RNF10: variants seen among roughly 807,000 people sequenced by gnomAD.
The protein encoded by RNF10 is E3 ubiquitin-protein ligase RNF10.
In RNF10, 38 loss-of-function variants were observed where a neutral mutation model predicts 91.4. The ratio of observed to expected loss-of-function variants is 0.42; its 90% CI spans 0.32 to 0.54. The LOEUF is 0.54. Among genes scored for constraint, RNF10 ranks in the 20% least tolerant of loss-of-function variants. The pLI, the probability that RNF10 is intolerant of heterozygous loss-of-function variation, is 0.16. For synonymous variants in RNF10, 364 were observed against 366.3 expected, an observed-to-expected ratio of 0.99 and a Z score of 0.07; for missense variants, 945 against 1,012.0, an observed-to-expected ratio of 0.93 and a Z score of 0.90.
At chr12:120,562,719 C>T (rs557713229) in intron 7 of RNF10, among the ~76,000 whole-genome samples, 2 of 152,262 alleles carry the variant, frequency 1.3e-5, no homozygotes, top group African/African-American at 4.8e-5. Context: ...TTTACACTCC[C>T]CAGTGTCAGA....
Position 120,534,719 on chromosome 12 carries a change from GCCGCCGACCC to G in RNF10, c.-86_-77del, listed in dbSNP as rs1870469941. 7.1e-7 allele frequency: 1 copy of G among 1,405,642 alleles called. No individual in the cohort carries two copies. The highest frequency in any genetic ancestry group is 1.5e-5 in the African/African-American group (1 of 65,324). The allele number at this position is 1,405,642 out of a possible 1,614,324, so 87.1% of individuals were successfully genotyped here. On this transcript the variant is annotated 5_prime_UTR_variant, in exon 1 of 17. It introduces an in-frame stop codon into an upstream open reading frame of the 5' UTR. Coordinates refer to ENST00000325954, the MANE Select transcript of RNF10 (RefSeq NM_014868.5). Reference sequence around the variant, plus strand: ...GCCATGAAGGCCGAGAACCGCTGCCGCCGCCGACCCCCGCCGGCCCTGAACGCCATGAGCC... The same window carrying G: ...GCCATGAAGGCCGAGAACCGCTGCCGCCGCCGGCCCTGAACGCCATGAGCC...
chr12:120,563,840 C>A lies in RNF10; in HGVS notation c.1562C>A (p.Pro521His). ...GATGGACAGCATATGTTCCTGCACCCTGTGAATGTGCGCTGCCTCGTGCGG... is the reference window on the plus strand; with the variant it reads ...GATGGACAGCATATGTTCCTGCACCATGTGAATGTGCGCTGCCTCGTGCGG... The part of the protein sequence containing the change: ...AEDGQHMFLH[P>H]VNVRCLVREY... The change falls in exon 10 of 17, where the codon CCT becomes CAT. Residue 521 changes from proline to histidine, a missense_variant. Pro to His is a moderately conservative substitution (Grantham distance 77). Coordinates refer to ENST00000325954, the MANE Select transcript of RNF10 (RefSeq NM_014868.5). 1 of 1,614,122 alleles carries A rather than the reference C, an allele frequency of 6.2e-7. No individual in the cohort carries two copies. The highest frequency in any genetic ancestry group is 8.5e-7 in the Non-Finnish European group (1 of 1,180,028).
At chr12:120,562,907 A>G (rs1179430126) in intron 7 of RNF10, 38 bp from the exon 8 acceptor site, 25 of 1,612,818 alleles carry the variant, frequency 1.6e-5, no homozygotes, top group East Asian at 2.2e-5. Flanking sequence ...TGTGTCTGGA[A>G]ACTTAACCTT....
intron 6 of RNF10, among the ~76,000 whole-genome samples, chr12:120,559,247 T>C (rs1874487336): frequency 6.9e-6 from 1 of 144,856 alleles, no homozygotes; most frequent in African/African-American, 2.6e-5. Context: ...AATGGTGTGA[T>C]CTCGGCTCAC....
chr12:120,545,262 G>A (rs1872141676), intron 1 of RNF10, among the ~76,000 whole-genome samples: 1 of 151,570 alleles, frequency 6.6e-6, no homozygotes, highest in Admixed American at 6.6e-5. Flanking sequence ...CTCACTGCAA[G>A]CTCTGCCTCC....
chr12:120,574,978 G>A (rs568401107), intron 14 of RNF10: 29 of 161,566 alleles, frequency 1.8e-4, no homozygotes, highest in Admixed American at 1.2e-3. Context: ...AGTGGCTCAC[G>A]CCTATAATCC....
At chr12:120,571,365 C>T in intron 14 of RNF10, 74 bp downstream of exon 14, 1 of 1,077,308 alleles carries the variant, frequency 9.3e-7, no homozygotes, top group Non-Finnish European at 1.4e-6. Context: ...TGGGAACCTC[C>T]TCCAGGGATT....
chr12:120,575,128 A>C (rs539122677), intron 14 of RNF10: 1 of 156,988 alleles, frequency 6.4e-6, no homozygotes, highest in Admixed American at 6.2e-5. Context: ...AATCCCAGCT[A>C]CTTGGGAGGC....
intron 1 of RNF10, among the ~76,000 whole-genome samples, chr12:120,540,469 A>G (rs1031756682): frequency 6.6e-6 from 1 of 152,078 alleles, no homozygotes; most frequent in South Asian, 2.1e-4. Flanking sequence ...CTCCTGTTCT[A>G]CCCTCGAGTT....
chr12:120,561,093 A>G (rs1874777605), intron 7 of RNF10, among the ~76,000 whole-genome samples: 1 of 152,096 alleles, frequency 6.6e-6, no homozygotes, highest in Non-Finnish European at 1.5e-5. Context: ...ACAGTAGAGA[A>G]GGTTTAACCT....
chr12:120,560,623 A>G (rs1222801591), intron 6 of RNF10, 103 bp from the exon 7 acceptor site: 2 of 1,146,010 alleles, frequency 1.7e-6, no homozygotes, highest in Non-Finnish European at 2.5e-6. Context: ...AAATTACCCC[A>G]TTTTCACCCC....
chr12:120,549,119 A>G (rs1196565999), intron 2 of RNF10, among the ~76,000 whole-genome samples: 1 of 152,106 alleles, frequency 6.6e-6, no homozygotes, highest in African/African-American at 2.4e-5. Context: ...CAGTTGTCTT[A>G]GATAGGAACT....
intron 13 of RNF10, among the ~76,000 whole-genome samples, chr12:120,569,978 C>T (rs1876375600): frequency 6.6e-6 from 1 of 152,080 alleles, no homozygotes. Flanking sequence ...CTGCAACTTC[C>T]CCCTCGCGGG....
At chr12:120,544,460 C>T (rs1273630768) in intron 1 of RNF10, among the ~76,000 whole-genome samples, 1 of 151,982 alleles carries the variant, frequency 6.6e-6, no homozygotes, top group Admixed American at 6.6e-5. Context: ...AGTTTAAGAC[C>T]AGCCTGGGCA....
chr12:120,555,939 C>T (rs1188445900), intron 4 of RNF10, among the ~76,000 whole-genome samples: 1 of 151,916 alleles, frequency 6.6e-6, no homozygotes, highest in Non-Finnish European at 1.5e-5. Context: ...CAGGCGTGCA[C>T]CACTATGCCT....
In RNF10 at chr12:120,557,455, G is replaced by C. The variant is rs1464420458; in HGVS notation, c.819G>C (p.Lys273Asn). 6.2e-7 allele frequency: 1 copy of C among 1,613,864 alleles called. No homozygotes were observed. The highest frequency in any genetic ancestry group is 1.7e-5 in the Admixed American group (1 of 59,982). Residue 273 changes from lysine (K) to asparagine (N), a missense_variant, in exon 5 of 17, where the codon AAG becomes AAC. Physicochemically the swap from Lys to Asn is moderately conservative, Grantham distance 94 (BLOSUM62 0). Coordinates refer to ENST00000325954, the MANE Select transcript of RNF10 (RefSeq NM_014868.5). ...CPICYSSVHK[K>N]DLKSVVATES... Reference sequence around the variant, plus strand: ...TCTGTTACAGTTCTGTGCATAAGAAGGATCTCAAGAGGTGAGATTGAGACA... The same window carrying C: ...TCTGTTACAGTTCTGTGCATAAGAACGATCTCAAGAGGTGAGATTGAGACA...
intron 14 of RNF10, among the ~76,000 whole-genome samples, chr12:120,574,173 C>T (rs1341968407): frequency 6.6e-6 from 1 of 152,212 alleles, no homozygotes; most frequent in East Asian, 1.9e-4. Flanking sequence ...CAAAGTGGAA[C>T]ATAATGAAGA....
At position 120,557,378 on chromosome 12, in the gene RNF10, T is replaced by C; in HGVS notation, c.742T>C (p.Cys248Arg). ...TTGTGGACACATCTTCTGCTGGGCA[T>C]GCATCCTGCACTATCTTTCACTGAG... Reference protein sequence around the residue: ...TRCGHIFCWACILHYLSLSEK... With the variant: ...TRCGHIFCWARILHYLSLSEK... Residue 248 changes from cysteine (C) to arginine (R), a missense_variant, in exon 5 of 17, where the codon TGC (cysteine) becomes CGC (arginine). Physicochemically the swap from Cys to Arg is radical, Grantham distance 180. Transcript: ENST00000325954. 1 of 1,614,210 alleles carries C rather than the reference T, an allele frequency of 6.2e-7. No individual in the cohort carries two copies. Among genetic ancestry groups the C allele is most frequent in the Non-Finnish European group, 8.5e-7 (1 of 1,180,040 alleles).
rs767509811 is a variant in RNF10, at chr12:120,575,830, G to A, written c.2239G>A (p.Asp747Asn). Residue 747 changes from aspartate to asparagine, a missense_variant, in exon 16 of 17, where the codon GAC (aspartate) becomes AAC (asparagine). Transcript: ENST00000325954. ...SLVPPAPVDS[D>N]GESDNSDRVP... ...AGTTCCTCCTGCCCCTGTGGACAGC[G>A]ACGGGGAGAGTGATAATTCAGACCG... 2.5e-5 allele frequency: 40 copies of A among 1,614,174 alleles called. No homozygotes were observed. The highest frequency in any genetic ancestry group is 7.7e-5 in the South Asian group (7 of 91,078).
Sources: allele counts gnomAD v4.1 joint callset (sites outside exome capture counted in the v4.1 genomes callset), GRCh38; gene constraint gnomAD v4.1.1; transcripts MANE v1.5; gene names NCBI Gene and HGNC (gene_info 2026-07-23, HGNC 2026-07-21).